The following SHANK1 variants were observed in gnomAD, a reference collection of about 807,000 sequenced individuals.
SHANK1 encodes SH3 and multiple ankyrin repeat domains protein 1.
A neutral mutation model predicts 165.6 loss-of-function variants in SHANK1; 35 were observed. That is an observed-to-expected ratio of 0.21 (90% CI 0.16 to 0.28). SHANK1 has a LOEUF of 0.28. Ranked by LOEUF, SHANK1 falls within the 10% of genes least tolerant of loss-of-function variation. The pLI, the probability that SHANK1 is intolerant of heterozygous loss-of-function variation, is 1.00. For synonymous variants in SHANK1, 1,428 were observed against 1,384.8 expected (o/e 1.03, Z -0.69); for missense variants, 2,681 against 3,036.4 (o/e 0.88, Z 2.75).
chr19:50,668,726 C>G lies in SHANK1; in HGVS notation c.3234G>C (p.Gln1078His), dbSNP rs1985669117. The G allele has an allele frequency of 3.9e-6, 5 of 1,275,894 alleles. No individual in the cohort carries two copies. The highest frequency in any genetic ancestry group is 4.9e-6 in the Non-Finnish European group (5 of 1,018,114). 79.0% of individuals were successfully genotyped at this position (1,275,894 alleles called of 1,614,324 possible). A position where few individuals can be genotyped will look rare whatever the true frequency, so the allele number is the denominator to read the frequency against. Residue 1078 changes from glutamine (Q) to histidine (H), a missense_variant, in exon 23 of 24, where the codon CAG becomes CAC. Physicochemically the swap from Gln to His is conservative, Grantham distance 24. Around this residue, in one of 10 missense-constraint regions of SHANK1, gnomAD observed 1,713 missense variants for 1,630.2 expected, o/e 1.05. Coordinates refer to ENST00000293441, the MANE Select transcript of SHANK1 (RefSeq NM_016148.5). ...GCTGGAAATAGCGTAGAGCCGGGCC[C>G]TGGGAGGAGCCGCCGCCCCCGCCCG... is the stretch of plus-strand genomic sequence containing the variant. ...GSAGGGGGSSQGPALRYFQLP... is the reference protein window; with the variant it reads ...GSAGGGGGSSHGPALRYFQLP...
At chr19:50,687,398 G>A (rs1309257738) in intron 19 of SHANK1, among the ~76,000 whole-genome samples, 184 bp downstream of exon 19, 1 of 152,088 alleles carries the variant, frequency 6.6e-6, no homozygotes, top group African/African-American at 2.4e-5. Flanking sequence ...ACAGAGGAAA[G>A]TCGTCTCTCA....
rs923499632 is a variant in SHANK1 at position 50,660,709 on chromosome 19, G to C, written c.*1256C>G. Among the ~76,000 whole-genome samples the C allele has an allele frequency of 8.4e-6, 1 of 119,276 alleles. No individual in the cohort carries two copies. Among genetic ancestry groups the C allele is most frequent in the African/African-American group, 3.6e-5 (1 of 27,886 alleles). 78.2% of individuals were successfully genotyped at this position (119,276 alleles called of 152,430 possible). A position where few individuals can be genotyped will look rare whatever the true frequency, so the allele number is the denominator to read the frequency against. ...AGGGGAGAAACAAGGCTTCCGGAGA[G>C]CACTGAAAATGCTGGGGGGGGGGGC... is the stretch of plus-strand genomic sequence containing the variant. On this transcript the variant is annotated 3_prime_UTR_variant, in exon 24 of 24. Transcript: ENST00000293441.
In SHANK1 at chr19:50,686,195, C is replaced by G; in HGVS notation, c.2577+42G>C. On this transcript the variant is annotated intron_variant, in intron 21 of 23. Coordinates refer to ENST00000293441, the MANE Select transcript of SHANK1 (RefSeq NM_016148.5). This position sits in a 1 kb window ranked among gnomAD's most constrained non-coding sequence, Gnocchi z 5.7. ...AAAGGCTCCAGGTTGGTGTGTGAAC[C>G]GCCTCCCCCCTGGCAGTTCCTCCCC... 1 of 1,213,438 alleles carries G rather than the reference C, an allele frequency of 8.2e-7. No homozygotes were observed. The highest frequency in any genetic ancestry group is 1.2e-6 in the Non-Finnish European group (1 of 850,244). 75.2% of individuals were successfully genotyped at this position (1,213,438 alleles called of 1,614,324 possible).
chr19:50,713,961 G>A lies in SHANK1; in HGVS notation c.641-12C>T. The stretch of plus-strand genomic sequence containing the variant: ...TGTCAAGGGGGTCTCTGAAGGGCGG[G>A]AAAAGCTGGTCACATGAAGCCCCTT... On this transcript the variant is annotated splice_polypyrimidine_tract_variant and intron_variant, in intron 5 of 23. Coordinates refer to ENST00000293441, the MANE Select transcript of SHANK1 (RefSeq NM_016148.5). The surrounding 1 kb of genome is among the most constrained non-coding windows in gnomAD (Gnocchi z 6.2). 1 of 1,613,474 alleles carries A rather than the reference G, an allele frequency of 6.2e-7. No homozygotes were observed. Among genetic ancestry groups the A allele is most frequent in the Non-Finnish European group, 8.5e-7 (1 of 1,179,674 alleles).
chr19:50,683,533 C>T (rs1421373819), intron 21 of SHANK1, among the ~76,000 whole-genome samples: 1 of 152,160 alleles, frequency 6.6e-6, no homozygotes, highest in African/African-American at 2.4e-5. Flanking sequence ...CTCCATAAGG[C>T]ACATCACGGC....
At position 50,716,826 on chromosome 19, in the gene SHANK1, C is replaced by A; in HGVS notation, c.94G>T (p.Gly32Trp). Residue 32 changes from glycine to tryptophan, a missense_variant, in exon 2 of 24, where the codon GGG becomes TGG. By Grantham distance (184) the Gly-to-Trp change is radical. Around this residue, in one of 10 missense-constraint regions of SHANK1, gnomAD observed 118 missense variants for 106.9 expected, o/e 1.10. Transcript: ENST00000293441. This position sits in a 1 kb window ranked among gnomAD's most constrained non-coding sequence, Gnocchi z 8.4. ...GTCCCCCGGGGGCCTCGACCTGGCCCGTCTGGGGAGCTGTCGGACTCTGAG... is the reference window on the plus strand; with the variant it reads ...GTCCCCCGGGGGCCTCGACCTGGCCAGTCTGGGGAGCTGTCGGACTCTGAG... Reference protein sequence around the residue: ...GGSESDSSPDGPGRGPRGTRG... With the variant: ...GGSESDSSPDWPGRGPRGTRG... 2 of 1,570,044 alleles carry A rather than the reference C, an allele frequency of 1.3e-6. No individual in the cohort carries two copies. The highest frequency in any genetic ancestry group is 1.7e-6 in the Non-Finnish European group (2 of 1,162,782).
chr19:50,673,544 C>A (rs1985876093), intron 21 of SHANK1, among the ~76,000 whole-genome samples: 2 of 152,124 alleles, frequency 1.3e-5, no homozygotes, highest in Non-Finnish European at 2.9e-5. Context: ...CCAGACTGCA[C>A]TTCCCTCTGT....
In SHANK1 at chr19:50,667,194, G is replaced by A; in HGVS notation, c.4766C>T (p.Pro1589Leu). 1.3e-6 allele frequency: 2 copies of A among 1,573,068 alleles called. No homozygotes were observed. The highest frequency in any genetic ancestry group is 1.7e-6 in the Non-Finnish European group (2 of 1,166,948). Reference sequence around the variant, plus strand: ...GGCAGGTGTGTCGGGCAGCGGGTGGGGAGGCCCAGGCGTGAGGGGCGACTC... The same window carrying A: ...GGCAGGTGTGTCGGGCAGCGGGTGGAGAGGCCCAGGCGTGAGGGGCGACTC... ...KPESPLTPGP[P>L]HPLPDTPAPA... Residue 1589 changes from proline to leucine, a missense_variant, in exon 23 of 24, where the codon CCC becomes CTC. This residue lies in a region of SHANK1 where 1,713 missense variants were observed against 1,630.2 expected (regional missense o/e 1.05). Coordinates refer to ENST00000293441, the MANE Select transcript of SHANK1 (RefSeq NM_016148.5). This position sits in a 1 kb window ranked among gnomAD's most constrained non-coding sequence, Gnocchi z 5.7.
Position 50,660,852 on chromosome 19 carries a change from A to C in SHANK1, c.*1113T>G, listed in dbSNP as rs564428681. On this transcript the variant is annotated 3_prime_UTR_variant, in exon 24 of 24. Transcript: ENST00000293441. ...GAGCCTGGCAAAGAAGAAGAGAATG[A>C]GCATGTGTGAGAGAAACAGTTTCTG... 1.4e-5 allele frequency among the ~76,000 whole-genome samples: 2 copies of C among 147,446 alleles called. No homozygotes were observed. The highest frequency in any genetic ancestry group is 5.0e-5 in the African/African-American group (2 of 39,766).
chr19:50,703,537 G>A lies in SHANK1; in HGVS notation c.1516C>T (p.Pro506Ser), dbSNP rs2088896216. Reference sequence around the variant, plus strand: ...CGGGGCTGCCTCTTGGCGTCCTCAGGGTGCCTCCCTCGGGATGGAGAGCGG... The same window carrying A: ...CGGGGCTGCCTCTTGGCGTCCTCAGAGTGCCTCCCTCGGGATGGAGAGCGG... Reference protein sequence around the residue: ...RARSPSRGRHPEDAKRQPRGR... With the variant: ...RARSPSRGRHSEDAKRQPRGR... Residue 506 changes from proline (P) to serine (S), a missense_variant, in exon 11 of 24, where the codon CCT becomes TCT. Physicochemically the swap from Pro to Ser is moderately conservative, Grantham distance 74. This residue lies in a region of SHANK1 where 195 missense variants were observed against 186.2 expected (regional missense o/e 1.05). Transcript: ENST00000293441. 1 of 1,549,986 alleles carries A rather than the reference G, an allele frequency of 6.5e-7. No individual in the cohort carries two copies. Among genetic ancestry groups the A allele is most frequent in the Non-Finnish European group, 8.7e-7 (1 of 1,153,456 alleles).
chr19:50,691,221 C>T (rs1165713234), intron 15 of SHANK1, among the ~76,000 whole-genome samples: 2 of 152,142 alleles, frequency 1.3e-5, no homozygotes, highest in Non-Finnish European at 2.9e-5. Flanking sequence ...AAGGCCAGAA[C>T]AGCAAGTGGA....
At position 50,668,463 on chromosome 19, in the gene SHANK1, C is replaced by T. The variant is rs770027471; in HGVS notation, c.3497G>A (p.Ser1166Asn). ...GCCCTGGCTGCTGCGGCCGCTGCTA[C>T]TGGTGGACGGGGCCTTGATGATGAT... The part of the protein sequence containing the change: ...PTIIIKAPST[S>N]SSGRSSQGSS... Residue 1166 changes from serine (S) to asparagine (N), a missense_variant, in exon 23 of 24, where the codon AGT (serine) becomes AAT (asparagine). Ser to Asn is a conservative substitution (Grantham distance 46, BLOSUM62 1). Transcript: ENST00000293441. 1 of 1,335,146 alleles carries T rather than the reference C, an allele frequency of 7.5e-7. No homozygotes were observed. 82.7% of individuals were successfully genotyped at this position (1,335,146 alleles called of 1,614,324 possible).
rs1055212835 is a variant in SHANK1, at chr19:50,702,616, C to T, written c.1598G>A (p.Gly533Asp). ...CAGGGAGCCCCCGGGGCCCCCTGAG[C>T]CCCCCGTGCCCCCGGCTGGCCCTTC... ...PREGPAGGTG[G>D]SGGPGGSLGS... Residue 533 changes from glycine (G) to aspartate (D), a missense_variant, in exon 12 of 24, where the codon GGC (glycine) becomes GAC (aspartate). Physicochemically the swap from Gly to Asp is moderately conservative, Grantham distance 94. Coordinates refer to ENST00000293441, the MANE Select transcript of SHANK1 (RefSeq NM_016148.5). The surrounding 1 kb of genome is among the most constrained non-coding windows in gnomAD (Gnocchi z 5.3). 2.5e-6 allele frequency: 4 copies of T among 1,586,256 alleles called. No individual in the cohort carries two copies. Among genetic ancestry groups the T allele is most frequent in the South Asian group, 2.3e-5 (2 of 88,398 alleles).
At chr19:50,695,023 A>C in intron 15 of SHANK1, among the ~76,000 whole-genome samples, 1 of 141,426 alleles carries the variant, frequency 7.1e-6, no homozygotes, top group South Asian at 2.5e-4. Context: ...CCCGCCGCCG[A>C]CCGCAGACAA....
Position 50,686,651 on chromosome 19 carries a change from G to T in SHANK1, c.2458+93C>A. 1 of 1,229,370 alleles carries T rather than the reference G, an allele frequency of 8.1e-7. No individual in the cohort carries two copies. The allele number at this position is 1,229,370 out of a possible 1,614,324, so 76.2% of individuals were successfully genotyped here. A position where few individuals can be genotyped will look rare whatever the true frequency, so the allele number is the denominator to read the frequency against. On this transcript the variant is annotated intron_variant, in intron 20 of 23. Transcript: ENST00000293441. This position sits in a 1 kb window ranked among gnomAD's most constrained non-coding sequence, Gnocchi z 5.7. ...CGCAGCCTCTCTGGGGCAGGAAGGT[G>T]AGGGGCGCCGTGGGGTTCATGGTGG...
chr19:50,714,057 C>T (rs2089040781), intron 5 of SHANK1, 108 bp from the exon 6 acceptor site: 3 of 1,540,874 alleles, frequency 1.9e-6, no homozygotes, highest in Non-Finnish European at 2.6e-6. Flanking sequence ...GGCCCCGTGG[C>T]CTCCCCCTTG....
At position 50,688,129 on chromosome 19, in the gene SHANK1, A is replaced by C; in HGVS notation, c.2173-71T>G. Reference sequence around the variant, plus strand: ...GGGTGCTTGCAGCTTCAGAGACCCCAAGGAGGATGCCTCCTGCGCTGCCCT... The same window carrying C: ...GGGTGCTTGCAGCTTCAGAGACCCCCAGGAGGATGCCTCCTGCGCTGCCCT... On this transcript the variant is annotated intron_variant, in intron 17 of 23. Transcript: ENST00000293441. This position sits in a 1 kb window ranked among gnomAD's most constrained non-coding sequence, Gnocchi z 6.7. 1 of 1,580,554 alleles carries C rather than the reference A, an allele frequency of 6.3e-7. No homozygotes were observed. The highest frequency in any genetic ancestry group is 8.6e-7 in the Non-Finnish European group (1 of 1,157,882).
intron 21 of SHANK1, among the ~76,000 whole-genome samples, chr19:50,676,881 G>A (rs1330738098): frequency 6.6e-6 from 1 of 152,126 alleles, no homozygotes; most frequent in Admixed American, 6.6e-5. Context: ...TGTTACATCT[G>A]GGATGTCTTG....
Position 50,686,682 on chromosome 19 carries a change from G to T in SHANK1, c.2458+62C>A. 3 of 1,490,506 alleles carry T rather than the reference G, an allele frequency of 2.0e-6. No homozygotes were observed. Among genetic ancestry groups the T allele is most frequent in the Non-Finnish European group, 2.8e-6 (3 of 1,072,252 alleles). The allele number at this position is 1,490,506 out of a possible 1,614,324, so 92.3% of individuals were successfully genotyped here. On this transcript the variant is annotated intron_variant, in intron 20 of 23. Transcript: ENST00000293441. The surrounding 1 kb of genome is among the most constrained non-coding windows in gnomAD (Gnocchi z 5.7). The stretch of plus-strand genomic sequence containing the variant: ...CGCCGTGGGGTTCATGGTGGGACAG[G>T]GATGCAGCGGGTGCCGGGGCTGGGG...
Sources: gnomAD v4.1 joint callset for allele counts (sites outside exome capture counted in the v4.1 genomes callset) on GRCh38, gnomAD v4.1.1 for gene constraint, gnomAD v4.1.1 regional missense constraint, Gnocchi (gnomAD v3.1) non-coding constraint, MANE v1.5 for transcripts, NCBI Gene and HGNC (gene_info 2026-07-23, HGNC 2026-07-21) for gene names.